NPFFR2: variants seen among roughly 807,000 people sequenced by gnomAD.
NPFFR2 encodes G-protein coupled receptor 74.
Under a neutral mutation model 13.1 loss-of-function variants are expected in NPFFR2, and 15 were observed. That is an observed-to-expected ratio of 1.15 (90% CI 0.77 to 1.76). NPFFR2 has a LOEUF of 1.76. Among genes scored for constraint, NPFFR2 ranks in the 40% most tolerant of loss-of-function variants. The pLI is 0.00. For synonymous variants in NPFFR2, 190 were observed against 175.7 expected, an observed-to-expected ratio of 1.08 and a Z score of -0.65; for missense variants, 572 against 503.5, an observed-to-expected ratio of 1.14 and a Z score of -1.30.
intron 1 of NPFFR2, among the ~76,000 whole-genome samples, chr4:72,102,610 G>C (rs898759504): frequency 6.9e-6 from 1 of 144,300 alleles, no homozygotes; most frequent in Non-Finnish European, 1.5e-5. Context: ...CCACCTATGA[G>C]TGAGAATATG....
At chr4:72,131,113 C>T (rs1722225030) in intron 2 of NPFFR2, among the ~76,000 whole-genome samples, 1 of 151,970 alleles carries the variant, frequency 6.6e-6, no homozygotes. Context: ...CACTCTGCTG[C>T]TGTGCCATTG....
At chr4:72,082,608 A>T (rs1456003681) in intron 1 of NPFFR2, among the ~76,000 whole-genome samples, 1 of 152,170 alleles carries the variant, frequency 6.6e-6, no homozygotes, top group Non-Finnish European at 1.5e-5. Context: ...TGATTACATC[A>T]GGCTGATTAA....
rs193220316 is a variant in NPFFR2 at position 72,135,444 on chromosome 4, C to T, written c.329-2596C>T. On this transcript the variant is annotated intron_variant, in intron 2 of 3. Coordinates refer to ENST00000308744, the MANE Select transcript of NPFFR2 (RefSeq NM_004885.3). ...CATCTTTTTACTTTAATTTTTTGCC[C>T]CTCATTCTTCTATTTTCAAGGATTG... is the stretch of plus-strand genomic sequence containing the variant. 1.0e-3 allele frequency among the ~76,000 whole-genome samples: 152 copies of T among 151,154 alleles called. 1 individual carries two copies. The highest frequency in any genetic ancestry group is 1.7e-3 in the Admixed American group (26 of 15,172).
chr4:72,105,549 A>C (rs1721394636), intron 1 of NPFFR2, among the ~76,000 whole-genome samples: 2 of 152,146 alleles, frequency 1.3e-5, no homozygotes, highest in South Asian at 4.1e-4. Context: ...AAGGAAAGAT[A>C]AAACATCAAA....
intron 1 of NPFFR2, among the ~76,000 whole-genome samples, chr4:72,036,448 C>A (rs1719038925): frequency 6.6e-6 from 1 of 151,586 alleles, no homozygotes; most frequent in South Asian, 2.1e-4. Context: ...ATTTGTGAAA[C>A]TTTCAAATGT....
intron 1 of NPFFR2, among the ~76,000 whole-genome samples, chr4:72,037,498 A>G (rs1190572112): frequency 6.6e-6 from 1 of 152,012 alleles, no homozygotes; most frequent in African/African-American, 2.4e-5. Context: ...CTGATAATAA[A>G]CTGAATGTGG....
intron 1 of NPFFR2, among the ~76,000 whole-genome samples, chr4:72,120,003 G>A (rs1482150610): frequency 2.6e-5 from 4 of 152,140 alleles, no homozygotes; most frequent in East Asian, 1.9e-4. Flanking sequence ...CCACCCCCAC[G>A]GAGCCCAGCA....
chr4:72,136,426 A>T (rs1560422532), intron 2 of NPFFR2, among the ~76,000 whole-genome samples: 2 of 152,154 alleles, frequency 1.3e-5, no homozygotes, highest in African/African-American at 4.8e-5. Flanking sequence ...GACTAGATCT[A>T]GTTAACTGCT....
At chr4:72,068,170 T>G (rs141323067) in intron 1 of NPFFR2, among the ~76,000 whole-genome samples, 3 of 152,334 alleles carry the variant, frequency 2.0e-5, no homozygotes, top group African/African-American at 7.2e-5. Flanking sequence ...TAACAAAATA[T>G]CACAGACTGA....
At chr4:72,122,346 A>C (rs936560118) in intron 1 of NPFFR2, among the ~76,000 whole-genome samples, 1 of 152,142 alleles carries the variant, frequency 6.6e-6, no homozygotes, top group African/African-American at 2.4e-5. Flanking sequence ...CAGACTGATG[A>C]GACAGAAGTT....
chr4:72,074,885 A>G (rs1160124940), intron 1 of NPFFR2, among the ~76,000 whole-genome samples: 2 of 92,046 alleles, frequency 2.2e-5, no homozygotes, highest in Non-Finnish European at 2.4e-5. Flanking sequence ...CTAATGTCAG[A>G]CAACATAGAC....
intron 1 of NPFFR2, among the ~76,000 whole-genome samples, chr4:72,110,043 G>A (rs1385383973): frequency 6.6e-6 from 1 of 151,900 alleles, no homozygotes; most frequent in African/African-American, 2.4e-5. Context: ...CAACCTGCTT[G>A]ATATGGTTTG....
chr4:72,060,895 C>T (rs1156682782), intron 1 of NPFFR2, among the ~76,000 whole-genome samples: 1 of 152,110 alleles, frequency 6.6e-6, no homozygotes, highest in African/African-American at 2.4e-5. Context: ...TTTTTTGCCA[C>T]TGCATGTTAG....
chr4:72,062,966 C>T (rs1185195785), intron 1 of NPFFR2, among the ~76,000 whole-genome samples: 1 of 152,166 alleles, frequency 6.6e-6, no homozygotes. Flanking sequence ...ACAAAAAACA[C>T]TGTACGTCTT....
chr4:72,040,347 C>G (rs1353136714), intron 1 of NPFFR2, among the ~76,000 whole-genome samples: 1 of 152,072 alleles, frequency 6.6e-6, no homozygotes, highest in African/African-American at 2.4e-5. Context: ...AAATAGTGAG[C>G]CAACTTTCAC....
At chr4:72,063,780 C>T (rs1269588936) in intron 1 of NPFFR2, among the ~76,000 whole-genome samples, 1 of 152,146 alleles carries the variant, frequency 6.6e-6, no homozygotes, top group Non-Finnish European at 1.5e-5. Flanking sequence ...AAAAGTTAAT[C>T]TTTTACCTAT....
chr4:72,086,414 G>A (rs10155418), intron 1 of NPFFR2, among the ~76,000 whole-genome samples: 145,617 of 152,060 alleles, frequency 0.96, 70,051 homozygotes, highest in East Asian at 1. Context: ...AGCAGGCTAC[G>A]TTATTTTCAG....
rs779093966 is a variant in NPFFR2 at position 72,128,607 on chromosome 4, G to A, written c.16G>A (p.Asp6Asn). MNEKW[D>N]TNSSENWHPI... is the part of the protein sequence containing the mutation. ...AAGGTTCATCATGAATGAGAAATGG[G>A]ACACAAACTCTTCAGAAAACTGGCA... The change falls in exon 2 of 4, where the codon GAC becomes AAC. Residue 6 changes from aspartate to asparagine, a missense_variant. Physicochemically the swap from Asp to Asn is conservative, Grantham distance 23. Coordinates refer to ENST00000308744, the MANE Select transcript of NPFFR2 (RefSeq NM_004885.3). 1 of 1,607,856 alleles carries A rather than the reference G, an allele frequency of 6.2e-7. No homozygotes were observed. Among genetic ancestry groups the A allele is most frequent in the Non-Finnish European group, 8.5e-7 (1 of 1,175,370 alleles).
Position 72,060,097 on chromosome 4 carries a change from T to G in NPFFR2, c.-8+27897T>G, listed in dbSNP as rs181297104. Among the ~76,000 whole-genome samples the G allele has an allele frequency of 8.4e-4, 128 of 152,230 alleles. 1 individual carries two copies. The highest frequency in any genetic ancestry group is 3.4e-4 in the Non-Finnish European group (23 of 67,992). On this transcript the variant is annotated intron_variant, in intron 1 of 3. Coordinates refer to ENST00000308744, the MANE Select transcript of NPFFR2 (RefSeq NM_004885.3). ...TATGAACTGGTTCAGGTCTAAAAAT[T>G]GGGTGAGAGACTATAGTTTTCCATT...
Sources: allele counts gnomAD v4.1 joint callset (sites outside exome capture counted in the v4.1 genomes callset), GRCh38; gene constraint gnomAD v4.1.1; transcripts MANE v1.5; gene names NCBI Gene and HGNC (gene_info 2026-07-23, HGNC 2026-07-21).